The following ABCG1 variants were observed in gnomAD, a reference collection of about 807,000 sequenced individuals.
ABCG1 encodes the protein ATP binding cassette subfamily G member 1, also known as ATP-binding cassette sub-family G member 1.
Under a neutral mutation model 69.2 loss-of-function variants are expected in ABCG1, and 29 were observed. The observed-to-expected ratio is 0.42, with a 90% CI of 0.31 to 0.57. The LOEUF (loss-of-function observed/expected upper bound fraction) is 0.57. ABCG1 is among the 20% of genes least tolerant of loss of function. The pLI is 0.15. For missense variants in ABCG1, 718 were observed against 898.1 expected (o/e 0.80, Z 2.56); for synonymous variants, 370 against 374.8 (o/e 0.99, Z 0.15).
chr21:42,268,362 G>GGTGTGTGTGTGTGTGTGTGTGT (rs1555957893), intron 2 of ABCG1, among the ~76,000 whole-genome samples: 4 of 147,604 alleles, frequency 2.7e-5, no homozygotes, highest in African/African-American at 1.0e-4. Flanking sequence ...TAGAGGTAGG[G>GGTGTGTGTGTGTGTGTGTGTGT]GTGTGTGTGT....
At chr21:42,200,880 C>T (rs982873791) in intron 1 of ABCG1, among the ~76,000 whole-genome samples, 2 of 152,168 alleles carry the variant, frequency 1.3e-5, no homozygotes, top group South Asian at 2.1e-4. Context: ...TGAACCACCA[C>T]GCCTGGCCTA....
intron 2 of ABCG1, among the ~76,000 whole-genome samples, chr21:42,246,602 T>C (rs2068137785): frequency 6.6e-6 from 1 of 152,228 alleles, no homozygotes; most frequent in Non-Finnish European, 1.5e-5. Flanking sequence ...TATGTGTATA[T>C]ATATGAATAT....
Position 42,242,886 on chromosome 21 carries a change from G to A in ABCG1, c.286+16972G>A, listed in dbSNP as rs556730457. ...GCAGGTGGCTGGGCTGCACCCCCGG[G>A]GGTCTGAGTGAGCAGGTTTGGGGCA... On this transcript the variant is annotated intron_variant, in intron 2 of 14. Transcript: ENST00000398449. Among the ~76,000 whole-genome samples, 162 of 152,262 alleles carry A rather than the reference G, an allele frequency of 1.1e-3. 1 individual carries two copies. Among genetic ancestry groups the A allele is most frequent in the Admixed American group, 1.9e-3 (29 of 15,288 alleles).
intron 2 of ABCG1, among the ~76,000 whole-genome samples, chr21:42,229,516 G>A (rs534516970): frequency 2.0e-5 from 3 of 152,124 alleles, no homozygotes; most frequent in African/African-American, 4.8e-5. Flanking sequence ...TCAGGAGTTC[G>A]AGACCAGCCT....
At chr21:42,231,745 G>T (rs2067904151) in intron 2 of ABCG1, among the ~76,000 whole-genome samples, 1 of 152,150 alleles carries the variant, frequency 6.6e-6, no homozygotes, top group South Asian at 2.1e-4. Context: ...TTTTGAGAGG[G>T]GCAGATGCTC....
chr21:42,251,627 G>A (rs760091345), intron 2 of ABCG1, among the ~76,000 whole-genome samples: 2 of 152,138 alleles, frequency 1.3e-5, no homozygotes, highest in Non-Finnish European at 2.9e-5. Context: ...CTGGTGTGGG[G>A]GAAGTGGAGG....
chr21:42,212,326 G>A (rs1015936931), upstream of ABCG1, among the ~76,000 whole-genome samples: 18 of 152,120 alleles, frequency 1.2e-4, no homozygotes, highest in Non-Finnish European at 2.1e-4. Context: ...GGCTCAAAAG[G>A]CCTGGACTGC....
Position 42,291,361 on chromosome 21 carries a change from G to A in ABCG1, c.1495-137G>A. The A allele has an allele frequency of 7.9e-7, 1 of 1,269,340 alleles. No homozygotes were observed. The highest frequency in any genetic ancestry group is 1.1e-6 in the Non-Finnish European group (1 of 909,824). 78.6% of individuals were successfully genotyped at this position (1,269,340 alleles called of 1,614,324 possible). On this transcript the variant is annotated intron_variant, in intron 12 of 14. Transcript: ENST00000398449. The surrounding 1 kb of genome is among the most constrained non-coding windows in gnomAD (Gnocchi z 6.4). The stretch of plus-strand genomic sequence containing the variant: ...GACTTCGGGAGCTGTGGCGGGAGCT[G>A]TGGGGAGTGGGGAAGGACCCGACTT...
intron 2 of ABCG1, among the ~76,000 whole-genome samples, chr21:42,230,376 T>C (rs945284086): frequency 6.6e-6 from 1 of 152,222 alleles, no homozygotes; most frequent in African/African-American, 2.4e-5. Flanking sequence ...CTCAAGGAAT[T>C]CACTCACGTA....
At chr21:42,201,170 A>G (rs2067503455) in intron 1 of ABCG1, among the ~76,000 whole-genome samples, 1 of 151,974 alleles carries the variant, frequency 6.6e-6, no homozygotes, top group African/African-American at 2.4e-5. Flanking sequence ...CAGTTGATTT[A>G]TTATGGTCTC....
Position 42,281,803 on chromosome 21 carries a change from C to T in ABCG1, c.589-471C>T, listed in dbSNP as rs188036573. Among the ~76,000 whole-genome samples the T allele has an allele frequency of 4.7e-3, 717 of 152,356 alleles. 2 individuals are homozygous for T. Among genetic ancestry groups the T allele is most frequent in the Non-Finnish European group, 7.3e-3 (499 of 68,034 alleles). On this transcript the variant is annotated intron_variant, in intron 5 of 14. Coordinates refer to ENST00000398449, the MANE Select transcript of ABCG1 (RefSeq NM_016818.3). ...CTGCTCTGTGCACTCTGCATCCACT[C>T]TTTCAAGTAACCATCACAGCGACCC...
intron 2 of ABCG1, among the ~76,000 whole-genome samples, chr21:42,228,560 C>A (rs1234567121): frequency 6.6e-6 from 1 of 152,202 alleles, no homozygotes; most frequent in Non-Finnish European, 1.5e-5. Context: ...AAGGGACTTG[C>A]CCATGCTCCT....
At chr21:42,232,979 G>A (rs996326903) in intron 2 of ABCG1, among the ~76,000 whole-genome samples, 14 of 152,226 alleles carry the variant, frequency 9.2e-5, no homozygotes, top group Admixed American at 7.2e-4. Context: ...GATTTGTCAT[G>A]GAGGTGCATT....
At position 42,219,991 on chromosome 21, in the gene ABCG1, G is replaced by T; in HGVS notation, c.42+687G>T. Reference sequence around the variant, plus strand: ...ACAGGGATGCGCATTTCACTTCCCCGAGCTCCGGAGAGGGATGGCGGGGTG... The same window carrying T: ...ACAGGGATGCGCATTTCACTTCCCCTAGCTCCGGAGAGGGATGGCGGGGTG... On this transcript the variant is annotated intron_variant, in intron 1 of 14. Transcript: ENST00000398449. The surrounding 1 kb of genome is among the most constrained non-coding windows in gnomAD (Gnocchi z 5.3). The T allele has an allele frequency of 1.9e-6, 3 of 1,553,242 alleles. No individual in the cohort carries two copies. The highest frequency in any genetic ancestry group is 1.7e-6 in the Non-Finnish European group (2 of 1,147,744).
At chr21:42,294,894 C>T (rs1334032710) in intron 14 of ABCG1, 2 of 518,694 alleles carry the variant, frequency 3.9e-6, no homozygotes, top group Non-Finnish European at 3.5e-6. Flanking sequence ...CCCGGAGAGC[C>T]ATGGCAGGAC....
chr21:42,285,482 G>A (rs758429567), intron 7 of ABCG1, among the ~76,000 whole-genome samples: 3 of 151,592 alleles, frequency 2.0e-5, no homozygotes, highest in Non-Finnish European at 4.4e-5. Context: ...CTCCAGCCTG[G>A]GCAACAGAGC....
intron 5 of ABCG1, among the ~76,000 whole-genome samples, chr21:42,279,125 G>C (rs921235168): frequency 6.6e-6 from 1 of 152,074 alleles, no homozygotes; most frequent in Non-Finnish European, 1.5e-5. Flanking sequence ...GTCTCGGATA[G>C]CCCTCCATCG....
At chr21:42,254,660 C>T (rs1419602603) in intron 2 of ABCG1, among the ~76,000 whole-genome samples, 1 of 152,228 alleles carries the variant, frequency 6.6e-6, no homozygotes, top group East Asian at 1.9e-4. Context: ...TGAGAAGGCC[C>T]TTAGGCATTA....
intron 2 of ABCG1, among the ~76,000 whole-genome samples, chr21:42,266,936 C>T (rs2068515693): frequency 6.6e-6 from 1 of 152,186 alleles, no homozygotes. Flanking sequence ...ATGGCCCTCA[C>T]CTCCCATTTC....
Sources: allele counts gnomAD v4.1 joint callset (sites outside exome capture counted in the v4.1 genomes callset), GRCh38; gene constraint gnomAD v4.1.1; non-coding constraint Gnocchi (gnomAD v3.1); transcripts MANE v1.5; gene names NCBI Gene and HGNC (gene_info 2026-07-23, HGNC 2026-07-21).